The following FNIP2 variants were observed in gnomAD, a reference collection of about 807,000 sequenced individuals.
The protein encoded by FNIP2 is folliculin interacting protein 2.
Under a neutral mutation model 108.7 loss-of-function variants are expected in FNIP2, and 32 were observed. The observed-to-expected ratio is 0.29, with a 90% CI of 0.22 to 0.40. The LOEUF is 0.40. Among genes scored for constraint, FNIP2 ranks in the 10% least tolerant of loss-of-function variants. FNIP2 has a pLI of 1.00. For synonymous variants in FNIP2, 480 were observed against 496.7 expected (o/e 0.97, Z 0.45); for missense variants, 1,202 against 1,381.6 (o/e 0.87, Z 2.06).
intron 1 of FNIP2, among the ~76,000 whole-genome samples, chr4:158,813,053 T>C (rs1467489723): frequency 2.0e-5 from 3 of 152,132 alleles, no homozygotes; most frequent in Non-Finnish European, 2.9e-5. Context: ...TTCATGTCTC[T>C]TCGTAGCATG....
chr4:158,774,035 T>C (rs1775780708), intron 1 of FNIP2, among the ~76,000 whole-genome samples: 1 of 152,174 alleles, frequency 6.6e-6, no homozygotes, highest in Non-Finnish European at 1.5e-5. Context: ...AGAAAAATGT[T>C]CTCAATAGAA....
chr4:158,827,152 C>T (rs1778205152), intron 2 of FNIP2, among the ~76,000 whole-genome samples: 2 of 152,130 alleles, frequency 1.3e-5, no homozygotes, highest in South Asian at 4.1e-4. Context: ...GAGGGGGAAA[C>T]CAAGAAATCT....
chr4:158,810,384 G>A (rs1415339829), intron 1 of FNIP2, among the ~76,000 whole-genome samples: 1 of 152,182 alleles, frequency 6.6e-6, no homozygotes, highest in Non-Finnish European at 1.5e-5. Flanking sequence ...GTTGGGTATT[G>A]TGGTCACACG....
rs1779278686 is a variant in FNIP2 at position 158,844,235 on chromosome 4, T to C, written c.728-7086T>C. On this transcript the variant is annotated intron_variant, in intron 7 of 16. Coordinates refer to ENST00000264433, the MANE Select transcript of FNIP2 (RefSeq NM_020840.3). ...ACAGATCTGTTCCCAGCAGCTCATATAGTACCTGGCATATAGTAGATGCTC... is the reference window on the plus strand; with the variant it reads ...ACAGATCTGTTCCCAGCAGCTCATACAGTACCTGGCATATAGTAGATGCTC... Among the ~76,000 whole-genome samples the C allele has an allele frequency of 2.0e-5, 3 of 152,340 alleles. No homozygotes were observed. In the South Asian group the frequency reaches 6.2e-4, roughly 32 times the overall value.
At chr4:158,772,275 A>G (rs1425698151) in intron 1 of FNIP2, among the ~76,000 whole-genome samples, 1 of 152,264 alleles carries the variant, frequency 6.6e-6, no homozygotes, top group South Asian at 2.1e-4. Context: ...CAAGTCAGAA[A>G]TAGAATTATG....
In FNIP2 at chr4:158,904,502, T is replaced by C. The variant is rs779149591; in HGVS notation, c.3303T>C (p.Ile1101=). The C allele has an allele frequency of 1.9e-6, 3 of 1,613,314 alleles. No homozygotes were observed. The highest frequency in any genetic ancestry group is 1.1e-5 in the South Asian group (1 of 91,086). Residue 1101 remains isoleucine, a synonymous_variant, in exon 17 of 17, where the codon ATT becomes ATC. Coordinates refer to ENST00000264433, the MANE Select transcript of FNIP2 (RefSeq NM_020840.3). The stretch of plus-strand genomic sequence containing the variant: ...ACGACCTGCCTCTGTTGACTGCTAT[T>C]GCCAGTACTCATTCTCCTTATGTGG... The part of the protein sequence containing the change: ...ESNDLPLLTA[I]ASTHSPYVAQ...
intron 8 of FNIP2, among the ~76,000 whole-genome samples, chr4:158,857,490 T>C (rs1780050551): frequency 6.6e-6 from 1 of 152,226 alleles, no homozygotes; most frequent in South Asian, 2.1e-4. Context: ...TATTGTAATG[T>C]GTAGCATTTA....
At chr4:158,837,194 G>A (rs540194167) in intron 7 of FNIP2, among the ~76,000 whole-genome samples, 13 of 152,292 alleles carry the variant, frequency 8.5e-5, no homozygotes, top group Admixed American at 1.3e-4. Flanking sequence ...AGAGTGGGAA[G>A]CACAGCCCCT....
intron 14 of FNIP2, chr4:158,890,269 C>A (rs546062869): frequency 2.0e-6 from 2 of 984,198 alleles, no homozygotes; most frequent in African/African-American, 3.5e-5. Flanking sequence ...CTTTTTAAAC[C>A]CTTATATTTT....
chr4:158,901,128 A>ATTTTTTTTTT (rs140017298), intron 16 of FNIP2, among the ~76,000 whole-genome samples: 3 of 112,298 alleles, frequency 2.7e-5, no homozygotes, highest in African/African-American at 1.1e-4. Context: ...CTGGGTTGAA[A>ATTTTTTTTTT]TTTTTTTTTT....
chr4:158,785,447 T>A (rs1248978318), intron 1 of FNIP2, among the ~76,000 whole-genome samples: 1 of 152,138 alleles, frequency 6.6e-6, no homozygotes, highest in Non-Finnish European at 1.5e-5. Context: ...CTCCATTATT[T>A]CAGAATTTAA....
intron 1 of FNIP2, among the ~76,000 whole-genome samples, chr4:158,822,152 G>A (rs1037168712): frequency 6.8e-6 from 1 of 147,838 alleles, no homozygotes; most frequent in Non-Finnish European, 1.5e-5. Flanking sequence ...GTATTCATAT[G>A]TAAGAAGAAT....
intron 3 of FNIP2, among the ~76,000 whole-genome samples, chr4:158,830,621 G>A (rs1385346847): frequency 6.6e-5 from 10 of 152,178 alleles, no homozygotes; most frequent in Non-Finnish European, 1.2e-4. Context: ...GTATTTGTGC[G>A]TCAGCGTATG....
At chr4:158,793,578 T>C (rs1382882221) in intron 1 of FNIP2, among the ~76,000 whole-genome samples, 1 of 152,242 alleles carries the variant, frequency 6.6e-6, no homozygotes, top group Non-Finnish European at 1.5e-5. Flanking sequence ...TTGTCTTTGT[T>C]ATATCATAAT....
At chr4:158,833,801 G>GTCTGCTGCAAGCATGCAGCAGCAA (rs768071038) in intron 6 of FNIP2, 173 bp downstream of exon 6, 409 of 1,521,778 alleles carry the variant, frequency 2.7e-4, no homozygotes, top group Non-Finnish European at 3.2e-4. Context: ...CCATCTCTAG[G>GTCTGCTGCAAGCATGCAGCAGCAA]TCTGCTGCAA....
rs529954642 is a variant in FNIP2, at chr4:158,846,121, G to C, written c.728-5200G>C. Among the ~76,000 whole-genome samples the C allele has an allele frequency of 1.1e-4, 17 of 152,272 alleles. 1 individual carries two copies. In the South Asian group the frequency reaches 3.5e-3, roughly 32 times the overall value. The stretch of plus-strand genomic sequence containing the variant: ...TAACATTTATCGTGTGGGTGACTGG[G>C]TTAAGTGTTGTATGTGTATTGATTT... On this transcript the variant is annotated intron_variant, in intron 7 of 16. Coordinates refer to ENST00000264433, the MANE Select transcript of FNIP2 (RefSeq NM_020840.3).
At chr4:158,892,749 A>G (rs1395028523) in intron 15 of FNIP2, among the ~76,000 whole-genome samples, 1 of 152,114 alleles carries the variant, frequency 6.6e-6, no homozygotes, top group Non-Finnish European at 1.5e-5. Context: ...TCCTGTCTGC[A>G]CAGCGCTGTT....
intron 14 of FNIP2, among the ~76,000 whole-genome samples, chr4:158,874,526 T>C (rs1010982054): frequency 1.4e-5 from 2 of 138,030 alleles, no homozygotes; most frequent in African/African-American, 5.3e-5. Flanking sequence ...TGGTGGCACA[T>C]GCCTGTAGTC....
chr4:158,859,334 T>C (rs1780157540), intron 9 of FNIP2, 76 bp downstream of exon 9: 9 of 1,431,834 alleles, frequency 6.3e-6, no homozygotes, highest in South Asian at 5.2e-5. Context: ...TCTTTGCCGA[T>C]GTATCAGATG....
Sources: allele counts gnomAD v4.1 joint callset (sites outside exome capture counted in the v4.1 genomes callset), GRCh38; gene constraint gnomAD v4.1.1; transcripts MANE v1.5; gene names NCBI Gene and HGNC (gene_info 2026-07-23, HGNC 2026-07-21).